PLCD4: variants seen among roughly 807,000 people sequenced by gnomAD.
The protein encoded by PLCD4 is 1-phosphatidylinositol 4,5-bisphosphate phosphodiesterase delta-4.
PLCD4 carries 63 observed loss-of-function variants against 90.2 expected under a neutral mutation model. The ratio of observed to expected loss-of-function variants is 0.70; its 90% CI spans 0.57 to 0.86. The LOEUF is 0.86. Ranked by LOEUF, PLCD4 falls within the 40% of genes least tolerant of loss-of-function variation. The probability of loss-of-function intolerance (pLI) is 0.00; values close to 1 mark genes in which losing one functional copy is unlikely to be tolerated. For synonymous variants in PLCD4, 294 were observed against 356.5 expected, an observed-to-expected ratio of 0.82 and a Z score of 1.97; for missense variants, 830 against 956.3, an observed-to-expected ratio of 0.87 and a Z score of 1.74.
At chr2:218,633,550 C>T (rs1030556321) in intron 10 of PLCD4, 55 bp from the exon 11 acceptor site, 126 of 1,575,894 alleles carry the variant, frequency 8.0e-5, no homozygotes, top group Non-Finnish European at 1.1e-4. Flanking sequence ...CCATTATCTT[C>T]TTCTCTCTCA....
Position 218,634,054 on chromosome 2 carries a change from A to G in PLCD4, c.1607-51A>G, listed in dbSNP as rs1175137479. ...GTAGGCATGGTCCTTGGGACTAGGG[A>G]AGTGGGAGATTCCACCCCACTTCCA... On this transcript the variant is annotated intron_variant, in intron 11 of 15. Coordinates refer to ENST00000450993, the MANE Select transcript of PLCD4 (RefSeq NM_032726.4). This position sits in a 1 kb window ranked among gnomAD's most constrained non-coding sequence, Gnocchi z 4.0. 3.2e-6 allele frequency: 5 copies of G among 1,558,870 alleles called. No homozygotes were observed. The highest frequency in any genetic ancestry group is 2.6e-6 in the Non-Finnish European group (3 of 1,150,882).
Position 218,635,835 on chromosome 2 carries a change from A to G in PLCD4, c.1936A>G (p.Lys646Glu). ...GCAACTCCCCAAAGTGGACAAGACC[A>G]AAGAGGGGTCCATTGTGGATCCACT... ...GQQLPKVDKT[K>E]EGSIVDPLVK... The change falls in exon 14 of 16, where the codon AAA (lysine) becomes GAA (glutamate). Residue 646 changes from lysine to glutamate, a missense_variant. Transcript: ENST00000450993. The G allele has an allele frequency of 1.2e-6, 2 of 1,613,886 alleles. No homozygotes were observed. The highest frequency in any genetic ancestry group is 1.7e-6 in the Non-Finnish European group (2 of 1,179,850).
chr2:218,636,002 T>A (rs1696719387), intron 14 of PLCD4, 71 bp downstream of exon 14: 2 of 1,604,752 alleles, frequency 1.2e-6, no homozygotes, highest in African/African-American at 2.7e-5. Context: ...CTGTCTTCCA[T>A]TAAGTATAGC....
chr2:218,611,920 CTTTCT>C (rs1057456017), intron 1 of PLCD4, among the ~76,000 whole-genome samples: 12 of 149,502 alleles, frequency 8.0e-5, no homozygotes, highest in South Asian at 2.1e-4. Context: ...AGGTCTGTTG[CTTTCT>C]TTTCTTTTCT....
chr2:218,628,533 G>A (rs989554667), intron 7 of PLCD4: 5 of 278,526 alleles, frequency 1.8e-5, no homozygotes, highest in African/African-American at 1.1e-4. Flanking sequence ...ATAGAGAATA[G>A]GAGTTAAAAA....
chr2:218,630,840 G>T, intron 9 of PLCD4, 38 bp downstream of exon 9: 7 of 1,565,430 alleles, frequency 4.5e-6, no homozygotes, highest in Non-Finnish European at 6.1e-6. Context: ...CTCTGCTGTG[G>T]CTTCTGGATT....
At chr2:218,628,389 G>T (rs1228047464) in intron 7 of PLCD4, 159 bp downstream of exon 7, 1 of 657,612 alleles carries the variant, frequency 1.5e-6, no homozygotes, top group Non-Finnish European at 2.6e-6. Context: ...TTGAAGACTG[G>T]TGGGAGAATG....
intron 4 of PLCD4, among the ~76,000 whole-genome samples, chr2:218,619,266 C>CATATATATATAT (rs3074252): frequency 5.5e-5 from 8 of 146,718 alleles, no homozygotes; most frequent in African/African-American, 1.8e-4. Flanking sequence ...TATAGGGGTA[C>CATATATATATAT]ATATATATAT....
intron 6 of PLCD4, among the ~76,000 whole-genome samples, chr2:218,627,427 AT>A (rs1160454307): frequency 1.3e-5 from 2 of 151,796 alleles, no homozygotes; most frequent in African/African-American, 4.8e-5. Flanking sequence ...CTTTAGTACT[AT>A]AGCATAAAAA....
chr2:218,632,593 C>A (rs1490215672), intron 10 of PLCD4, among the ~76,000 whole-genome samples: 1 of 152,066 alleles, frequency 6.6e-6, no homozygotes. Flanking sequence ...CTAGTTGAAG[C>A]ACCCATTTGG....
chr2:218,616,962 A>AGAGAGAGAGAGAT (rs1695637759), intron 3 of PLCD4, among the ~76,000 whole-genome samples: 1 of 102,372 alleles, frequency 9.8e-6, no homozygotes, highest in African/African-American at 3.4e-5. Context: ...AGAGAGAGAG[A>AGAGAGAGAGAGAT]GAGAGAGAGA....
chr2:218,621,706 T>C lies in PLCD4; in HGVS notation c.540+107T>C, dbSNP rs1695886992. ...ACACTCAATTGTTAAATCTCTGCTA[T>C]GTGCCCTAAGTGCTAGGCTCAATGC... On this transcript the variant is annotated intron_variant, in intron 5 of 15. Transcript: ENST00000450993. 5 of 1,414,708 alleles carry C rather than the reference T, an allele frequency of 3.5e-6. No individual in the cohort carries two copies. In the South Asian group the frequency reaches 3.8e-5, roughly 11 times the overall value. 87.6% of individuals were successfully genotyped at this position (1,414,708 alleles called of 1,614,324 possible). A position where few individuals can be genotyped will look rare whatever the true frequency, so the allele number is the denominator to read the frequency against.
chr2:218,632,049 T>G, intron 9 of PLCD4, 87 bp from the exon 10 acceptor site: 1 of 1,404,584 alleles, frequency 7.1e-7, no homozygotes, highest in Non-Finnish European at 9.5e-7. Context: ...TCACTTCCTC[T>G]GCCTTTGAGA....
chr2:218,625,114 C>CAA (rs11325307), intron 6 of PLCD4, among the ~76,000 whole-genome samples: 980 of 61,864 alleles, frequency 0.016, 68 homozygotes, highest in African/African-American at 0.058. Context: ...GACTCTGTTT[C>CAA]AAAAAAAAAA....
At chr2:218,611,991 C>T (rs985027605) in intron 1 of PLCD4, among the ~76,000 whole-genome samples, 7 of 151,794 alleles carry the variant, frequency 4.6e-5, no homozygotes, top group Admixed American at 1.3e-4. Context: ...TGCAGTGGTG[C>T]GATCTTGGCT....
intron 5 of PLCD4, among the ~76,000 whole-genome samples, chr2:218,621,838 G>A (rs539514643): frequency 1.2e-4 from 19 of 152,280 alleles, no homozygotes; most frequent in Admixed American, 5.2e-4. Context: ...CCAGCACTCT[G>A]GGAGGCTGAG....
intron 1 of PLCD4, chr2:218,609,465 A>G (rs1308376624): frequency 1.3e-5 from 2 of 152,188 alleles, no homozygotes; most frequent in African/African-American, 4.8e-5. Flanking sequence ...TCTGTATTAG[A>G]GAGGTAATTA....
rs200617622 is a variant in PLCD4 at position 218,629,497 on chromosome 2, G to A, written c.975-22G>A. The A allele has an allele frequency of 3.3e-4, 524 of 1,611,416 alleles. No individual in the cohort carries two copies. The Middle Eastern group carries it at 5.0e-3, about 15-fold the overall frequency. On this transcript the variant is annotated intron_variant, in intron 7 of 15. Transcript: ENST00000450993. Reference sequence around the variant, plus strand: ...CAGATATTGACCTCTCCTATTTCTCGGTGGGGATGGGGTTCTTTCAGGGCC... The same window carrying A: ...CAGATATTGACCTCTCCTATTTCTCAGTGGGGATGGGGTTCTTTCAGGGCC...
chr2:218,621,353 G>A, intron 4 of PLCD4, 117 bp from the exon 5 acceptor site: 1 of 1,206,238 alleles, frequency 8.3e-7, no homozygotes, highest in East Asian at 2.4e-5. Flanking sequence ...GAATGGATTG[G>A]CACCGGGGAG....
Sources: allele counts gnomAD v4.1 joint callset (sites outside exome capture counted in the v4.1 genomes callset), GRCh38; gene constraint gnomAD v4.1.1; non-coding constraint Gnocchi (gnomAD v3.1); transcripts MANE v1.5; gene names NCBI Gene and HGNC (gene_info 2026-07-23, HGNC 2026-07-21).